P4HB: variants seen among roughly 807,000 people sequenced by gnomAD.
The protein encoded by P4HB is protein disulfide-isomerase.
A neutral mutation model predicts 52.6 loss-of-function variants in P4HB; 20 were observed. The observed-to-expected ratio is 0.38, with a 90% CI of 0.27 to 0.55. The LOEUF (loss-of-function observed/expected upper bound fraction) is 0.55, where lower values mean the gene tolerates loss of function less well. Among genes scored for constraint, P4HB ranks in the 20% least tolerant of loss-of-function variants. P4HB has a pLI of 0.74. For missense variants in P4HB, 601 were observed against 669.2 expected (o/e 0.90, Z 1.12); for synonymous variants, 296 against 277.9 (o/e 1.07, Z -0.65).
Position 81,846,162 on chromosome 17 carries a change from GGCTGGGC to G in P4HB, c.1057-178_1057-172del, listed in dbSNP as rs2038732403. On this transcript the variant is annotated intron_variant, in intron 7 of 10. Coordinates refer to ENST00000331483, the MANE Select transcript of P4HB (RefSeq NM_000918.4). The surrounding 1 kb of genome is among the most constrained non-coding windows in gnomAD (Gnocchi z 5.7). ...CCAGAAAGAGAAGGCTGGGCCAGTG[GGCTGGGC>G]CCAATGAGCCCACGCAGGCCGCACC... Among the ~76,000 whole-genome samples the G allele has an allele frequency of 6.6e-6, 1 of 152,244 alleles. No homozygotes were observed. The highest frequency in any genetic ancestry group is 2.1e-4 in the South Asian group (1 of 4,836).
In P4HB at chr17:81,855,420, A is replaced by T. The variant is rs2038897884; in HGVS notation, c.486+33T>A. Reference sequence around the variant, plus strand: ...TGGACCCCTCCTCAATGGATGACGGAAGGAAGGAAGACTGGAATGCTCTGG... The same window carrying T: ...TGGACCCCTCCTCAATGGATGACGGTAGGAAGGAAGACTGGAATGCTCTGG... On this transcript the variant is annotated intron_variant, in intron 3 of 10. Coordinates refer to ENST00000331483, the MANE Select transcript of P4HB (RefSeq NM_000918.4). The surrounding 1 kb of genome is among the most constrained non-coding windows in gnomAD (Gnocchi z 4.3). The T allele has an allele frequency of 1.9e-6, 3 of 1,599,438 alleles. No homozygotes were observed.
chr17:81,860,293 C>G (rs2038978880), intron 1 of P4HB, 34 bp downstream of exon 1: 4 of 1,403,690 alleles, frequency 2.8e-6, no homozygotes, highest in Non-Finnish European at 3.7e-6. Context: ...TCAGCGGCCC[C>G]GAGCCCCGCC....
At chr17:81,849,471 G>A (rs1389687958) in intron 4 of P4HB, among the ~76,000 whole-genome samples, 1 of 152,088 alleles carries the variant, frequency 6.6e-6, no homozygotes, top group Admixed American at 6.5e-5. Context: ...ATTCGAGCCT[G>A]GCAACAGAGC....
chr17:81,850,578 G>A (rs2038814530), intron 4 of P4HB, among the ~76,000 whole-genome samples: 1 of 151,888 alleles, frequency 6.6e-6, no homozygotes, highest in East Asian at 1.9e-4. Flanking sequence ...CCGCCTCTTG[G>A]GTTCAAGTAA....
At chr17:81,860,304 C>A in intron 1 of P4HB, 23 bp downstream of exon 1, 1 of 1,427,436 alleles carries the variant, frequency 7.0e-7, no homozygotes, top group Non-Finnish European at 9.2e-7. Context: ...GAGCCCCGCC[C>A]GCCCGCCAGG....
At position 81,845,585 on chromosome 17, in the gene P4HB, G is replaced by C; in HGVS notation, c.1335C>G (p.Phe445Leu). 1 of 1,609,070 alleles carries C rather than the reference G, an allele frequency of 6.2e-7. No individual in the cohort carries two copies. Among genetic ancestry groups the C allele is most frequent in the Non-Finnish European group, 8.5e-7 (1 of 1,176,416 alleles). The part of the protein sequence containing the change: ...VKVHSFPTLK[F>L]FPASADRTVI... ...CCGTCCTGTCGGCACTGGCAGGAAA[G>C]AACTTGAGTGTGGGGAAGCTGTGCA... is the stretch of plus-strand genomic sequence containing the variant. Residue 445 changes from phenylalanine (F) to leucine (L), a missense_variant, in exon 9 of 11, where the codon TTC (phenylalanine) becomes TTG (leucine). Transcript: ENST00000331483.
At chr17:81,856,552 G>C (rs2038914502) in intron 2 of P4HB, among the ~76,000 whole-genome samples, 1 of 151,432 alleles carries the variant, frequency 6.6e-6, no homozygotes, top group Admixed American at 6.6e-5. Context: ...GGCCAGGCTG[G>C]TCTCACTCCT....
chr17:81,849,834 T>A (rs577092874), intron 4 of P4HB, among the ~76,000 whole-genome samples: 63 of 152,230 alleles, frequency 4.1e-4, no homozygotes, highest in African/African-American at 1.3e-3. Context: ...TTATTTATTT[T>A]TTTATTTTTT....
In P4HB at chr17:81,855,072, G is replaced by A; in HGVS notation, c.624+70C>T. The A allele has an allele frequency of 2.0e-6, 3 of 1,489,184 alleles. No homozygotes were observed. The highest frequency in any genetic ancestry group is 2.8e-6 in the Non-Finnish European group (3 of 1,069,978). 92.2% of individuals were successfully genotyped at this position (1,489,184 alleles called of 1,614,324 possible). A position where few individuals can be genotyped will look rare whatever the true frequency, so the allele number is the denominator to read the frequency against. The stretch of plus-strand genomic sequence containing the variant: ...AGGAGCAAGGTTCCCTTAACGATAA[G>A]GAGAGCAACGCCACCCTCTGCAGAC... On this transcript the variant is annotated intron_variant, in intron 4 of 10. Transcript: ENST00000331483. This position sits in a 1 kb window ranked among gnomAD's most constrained non-coding sequence, Gnocchi z 4.3.
intron 10 of P4HB, among the ~76,000 whole-genome samples, 168 bp downstream of exon 10, chr17:81,844,976 G>A (rs999867668): frequency 1.6e-4 from 24 of 152,256 alleles, no homozygotes; most frequent in African/African-American, 5.8e-4. Context: ...AGCACTGGGA[G>A]CACATCCCTT....
Position 81,845,879 on chromosome 17 carries a change from A to G in P4HB, c.1169T>C (p.Val390Ala). ...GAAAGGGCAACACTTACAGAACTCCACAAAGACGTTTTTTTTCTCATCAAA... is the reference window on the plus strand; with the variant it reads ...GAAAGGGCAACACTTACAGAACTCCGCAAAGACGTTTTTTTTCTCATCAAA... ...VAFDEKKNVF[V>A]EFYAPWCGHC... The change falls in exon 8 of 11, where the codon GTG becomes GCG. Residue 390 changes from valine to alanine, a missense_variant. Coordinates refer to ENST00000331483, the MANE Select transcript of P4HB (RefSeq NM_000918.4). 6.2e-7 allele frequency: 1 copy of G among 1,614,018 alleles called. No homozygotes were observed. Among genetic ancestry groups the G allele is most frequent in the Non-Finnish European group, 8.5e-7 (1 of 1,180,004 alleles).
intron 2 of P4HB, 107 bp downstream of exon 2, chr17:81,859,074 C>G: frequency 1.0e-6 from 1 of 983,224 alleles, no homozygotes; most frequent in Non-Finnish European, 1.6e-6. Context: ...TCCCTCCAAG[C>G]CTCTGGAACC....
In P4HB at chr17:81,846,337, T is replaced by G; in HGVS notation, c.1056+92A>C. ...GTCCTCTTACTCTGAAGATCTTACT[T>G]TGAGGACGAAGCCCAGGACACTGAG... On this transcript the variant is annotated intron_variant, in intron 7 of 10. Coordinates refer to ENST00000331483, the MANE Select transcript of P4HB (RefSeq NM_000918.4). This position sits in a 1 kb window ranked among gnomAD's most constrained non-coding sequence, Gnocchi z 5.7. 1 of 1,181,182 alleles carries G rather than the reference T, an allele frequency of 8.5e-7. No homozygotes were observed. The allele number at this position is 1,181,182 out of a possible 1,614,324, so 73.2% of individuals were successfully genotyped here.
chr17:81,843,346 A>C lies in P4HB; in HGVS notation c.*666T>G, dbSNP rs149227300. ...GTGCTGTAGAGAGGCCAGTGGTCAC[A>C]ATGAGCCCACGACAGGAGGAGGAGC... On this transcript the variant is annotated 3_prime_UTR_variant, in exon 11 of 11. Transcript: ENST00000331483. 4 of 396,342 alleles carry C rather than the reference A, an allele frequency of 1.0e-5. No homozygotes were observed. The highest frequency in any genetic ancestry group is 8.2e-5 in the African/African-American group (4 of 48,610). 24.6% of individuals were successfully genotyped at this position (396,342 alleles called of 1,614,324 possible). A position where few individuals can be genotyped will look rare whatever the true frequency, so the allele number is the denominator to read the frequency against.
At position 81,843,945 on chromosome 17, in the gene P4HB, G is replaced by T. The variant is rs2143308727; in HGVS notation, c.*67C>A. ...TCAAGCGAGGCCGCAGGCTTCGGAG[G>T]CGTGCGCTGCTGCTGGGTGTGCAGC... On this transcript the variant is annotated 3_prime_UTR_variant, in exon 11 of 11. Coordinates refer to ENST00000331483, the MANE Select transcript of P4HB (RefSeq NM_000918.4). 1 of 1,168,410 alleles carries T rather than the reference G, an allele frequency of 8.6e-7. No homozygotes were observed. The highest frequency in any genetic ancestry group is 2.3e-5 in the East Asian group (1 of 42,858). 72.4% of individuals were successfully genotyped at this position (1,168,410 alleles called of 1,614,324 possible).
At chr17:81,854,705 G>C (rs188707879) in intron 4 of P4HB, among the ~76,000 whole-genome samples, 1 of 151,982 alleles carries the variant, frequency 6.6e-6, no homozygotes, top group Non-Finnish European at 1.5e-5. Context: ...AGCTGGGCAT[G>C]GTAGTGCATG....
At chr17:81,852,403 G>A (rs758299785) in intron 4 of P4HB, among the ~76,000 whole-genome samples, 1 of 152,220 alleles carries the variant, frequency 6.6e-6, no homozygotes, top group Non-Finnish European at 1.5e-5. Flanking sequence ...ACACAGGAAG[G>A]CCTCACTCAC....
At chr17:81,854,403 G>T (rs1254903676) in intron 4 of P4HB, among the ~76,000 whole-genome samples, 1 of 152,058 alleles carries the variant, frequency 6.6e-6, no homozygotes, top group Non-Finnish European at 1.5e-5. Context: ...TCAGCCCAGC[G>T]TGGTGGCACG....
chr17:81,843,224 G>C lies in P4HB; in HGVS notation c.*788C>G, dbSNP rs1043815948. On this transcript the variant is annotated 3_prime_UTR_variant, in exon 11 of 11. Coordinates refer to ENST00000331483, the MANE Select transcript of P4HB (RefSeq NM_000918.4). ...ATTCGATTGTGAAATAGAAATGCCTGAAGAACTGTCAGCGTCTGATTCAGC... is the reference window on the plus strand; with the variant it reads ...ATTCGATTGTGAAATAGAAATGCCTCAAGAACTGTCAGCGTCTGATTCAGC... The C allele has an allele frequency of 1.7e-5, 6 of 354,390 alleles. No individual in the cohort carries two copies. The Admixed American group carries it at 2.8e-4, about 17-fold the overall frequency. 22.0% of individuals were successfully genotyped at this position (354,390 alleles called of 1,614,324 possible).
Sources: allele counts gnomAD v4.1 joint callset (sites outside exome capture counted in the v4.1 genomes callset), GRCh38; gene constraint gnomAD v4.1.1; non-coding constraint Gnocchi (gnomAD v3.1); transcripts MANE v1.5; gene names NCBI Gene and HGNC (gene_info 2026-07-23, HGNC 2026-07-21).